Variants in MTSS1 observed in about 807,000 individuals in gnomAD.
MTSS1 encodes MTSS I-BAR domain containing 1.
MTSS1 carries 18 observed loss-of-function variants against 79.0 expected under a neutral mutation model. The ratio of observed to expected loss-of-function variants is 0.23; its 90% CI spans 0.16 to 0.34. The LOEUF (loss-of-function observed/expected upper bound fraction) is 0.34. Among genes scored for constraint, MTSS1 ranks in the 10% least tolerant of loss-of-function variants. The probability of loss-of-function intolerance (pLI) is 1.00; values close to 1 mark genes in which losing one functional copy is unlikely to be tolerated. For synonymous variants in MTSS1, 341 were observed against 368.6 expected (o/e 0.93, Z 0.86); for missense variants, 815 against 986.2 (o/e 0.83, Z 2.33).
chr8:124,727,820 C>A lies in MTSS1; in HGVS notation c.72+64G>T. On this transcript the variant is annotated intron_variant, in intron 1 of 13. Coordinates refer to ENST00000518547, the MANE Select transcript of MTSS1 (RefSeq NM_014751.6). This position sits in a 1 kb window ranked among gnomAD's most constrained non-coding sequence, Gnocchi z 4.7. ...CCGGGTGCCCGGCCCGGGGTGGAGG[C>A]GAAGCGCGGCGGCGAGGTCAGAGCG... 7.1e-7 allele frequency: 1 copy of A among 1,406,904 alleles called. No homozygotes were observed. Among genetic ancestry groups the A allele is most frequent in the Non-Finnish European group, 9.4e-7 (1 of 1,063,092 alleles). 87.2% of individuals were successfully genotyped at this position (1,406,904 alleles called of 1,614,324 possible).
Position 124,617,673 on chromosome 8 carries a change from C to A in MTSS1, c.209-26438G>T, listed in dbSNP as rs570888395. On this transcript the variant is annotated intron_variant, in intron 3 of 13. Coordinates refer to ENST00000518547, the MANE Select transcript of MTSS1 (RefSeq NM_014751.6). ...ACCACAAGCCCCTGGGCACCCTCTG[C>A]GAGCTCACCTACCTGATCATGCCAC... Among the ~76,000 whole-genome samples the A allele has an allele frequency of 1.4e-4, 21 of 152,298 alleles. No homozygotes were observed. In the South Asian group the frequency reaches 3.1e-3, roughly 23 times the overall value.
intron 3 of MTSS1, among the ~76,000 whole-genome samples, chr8:124,688,099 G>A (rs1827280453): frequency 6.6e-6 from 1 of 152,154 alleles, no homozygotes; most frequent in Admixed American, 6.5e-5. Context: ...TCTTTTACTA[G>A]AAATAAGAGT....
In MTSS1 at chr8:124,557,894, AGGG is replaced by A. The variant is rs541454594; in HGVS notation, c.1036-22_1036-20del. On this transcript the variant is annotated intron_variant, in intron 10 of 13. Transcript: ENST00000518547. ...TAGACAACTGGAAACAAACAAAAAA[AGGG>A]GGGGGGAAGGAAAAAAAATTAATAT... The A allele has an allele frequency of 6.7e-7, 1 of 1,490,840 alleles. No individual in the cohort carries two copies. The highest frequency in any genetic ancestry group is 9.1e-7 in the Non-Finnish European group (1 of 1,095,904). 92.4% of individuals were successfully genotyped at this position (1,490,840 alleles called of 1,614,324 possible). A position where few individuals can be genotyped will look rare whatever the true frequency, so the allele number is the denominator to read the frequency against.
At chr8:124,699,676 C>T in intron 2 of MTSS1, 77 bp from the exon 3 acceptor site, 1 of 1,329,648 alleles carries the variant, frequency 7.5e-7, no homozygotes, top group Non-Finnish European at 1.1e-6. Context: ...GGCCTAAAAC[C>T]TCTGCTAAGG....
chr8:124,688,005 G>A (rs1321497209), intron 3 of MTSS1, among the ~76,000 whole-genome samples: 2 of 152,164 alleles, frequency 1.3e-5, no homozygotes, highest in East Asian at 1.9e-4. Flanking sequence ...CCACCCGGGC[G>A]GCTGGATATT....
At chr8:124,671,735 G>C (rs1388430576) in intron 3 of MTSS1, among the ~76,000 whole-genome samples, 1 of 152,150 alleles carries the variant, frequency 6.6e-6, no homozygotes. Context: ...AACAACACCA[G>C]ACGCCTCTTA....
chr8:124,690,224 G>A (rs1827722796), intron 3 of MTSS1, among the ~76,000 whole-genome samples: 1 of 152,150 alleles, frequency 6.6e-6, no homozygotes, highest in Non-Finnish European at 1.5e-5. Context: ...GGTTAGACAG[G>A]GAACAGCACA....
At chr8:124,692,807 T>G (rs1828175301) in intron 3 of MTSS1, among the ~76,000 whole-genome samples, 1 of 152,004 alleles carries the variant, frequency 6.6e-6, no homozygotes, top group Non-Finnish European at 1.5e-5. Context: ...GAGGGCTGCA[T>G]AAAAGTGGAA....
intron 1 of MTSS1, among the ~76,000 whole-genome samples, chr8:124,711,495 A>AGCCAGCC (rs1284569528): frequency 1.4e-4 from 21 of 152,288 alleles, no homozygotes; most frequent in African/African-American, 4.8e-4. Flanking sequence ...ACATGAACAG[A>AGCCAGCC]GCCAGCCTCC....
chr8:124,726,838 T>C (rs1833767962), intron 1 of MTSS1, among the ~76,000 whole-genome samples: 2 of 152,172 alleles, frequency 1.3e-5, no homozygotes, highest in South Asian at 2.1e-4. Flanking sequence ...TCTGGATCTG[T>C]TGAGGCAAAC....
intron 3 of MTSS1, among the ~76,000 whole-genome samples, chr8:124,599,302 G>A (rs1423946601): frequency 6.6e-6 from 1 of 152,110 alleles, no homozygotes; most frequent in Non-Finnish European, 1.5e-5. Context: ...TGGCCAACAT[G>A]GTGAAACCCT....
intron 3 of MTSS1, among the ~76,000 whole-genome samples, chr8:124,604,698 G>A (rs1211440118): frequency 1.3e-5 from 2 of 152,090 alleles, no homozygotes; most frequent in African/African-American, 4.8e-5. Context: ...TGCACATTCA[G>A]CAAATGCTAG....
intron 6 of MTSS1, among the ~76,000 whole-genome samples, chr8:124,578,323 G>A (rs1246832678): frequency 6.6e-6 from 1 of 152,110 alleles, no homozygotes; most frequent in Non-Finnish European, 1.5e-5. Context: ...TGTTGCTGAT[G>A]CTCCTTTCTA....
At chr8:124,599,348 T>C (rs1271104446) in intron 3 of MTSS1, among the ~76,000 whole-genome samples, 1 of 150,836 alleles carries the variant, frequency 6.6e-6, no homozygotes, top group African/African-American at 2.5e-5. Context: ...GCCAGCACGG[T>C]GGTGGGTGCC....
intron 1 of MTSS1, among the ~76,000 whole-genome samples, chr8:124,721,317 G>A (rs1050362438): frequency 1.3e-5 from 2 of 150,882 alleles, no homozygotes; most frequent in Non-Finnish European, 2.9e-5. Context: ...AAATCACAAC[G>A]GACAGAATCA....
intron 3 of MTSS1, among the ~76,000 whole-genome samples, chr8:124,622,091 AGAG>A (rs1587362665): frequency 2.0e-5 from 3 of 151,380 alleles, no homozygotes; most frequent in South Asian, 2.1e-4. Flanking sequence ...AGAGAGAGAG[AGAG>A]AGAATATGAA....
At chr8:124,695,502 C>T (rs916626258) in intron 3 of MTSS1, among the ~76,000 whole-genome samples, 3 of 152,204 alleles carry the variant, frequency 2.0e-5, no homozygotes, top group Non-Finnish European at 4.4e-5. Flanking sequence ...GCACTTTTTA[C>T]AGATTATCAT....
intron 3 of MTSS1, among the ~76,000 whole-genome samples, chr8:124,690,287 A>C (rs1242749945): frequency 6.6e-6 from 1 of 152,190 alleles, no homozygotes; most frequent in African/African-American, 2.4e-5. Context: ...CTAAAGCCTA[A>C]TGGGGAAACC....
intron 3 of MTSS1, among the ~76,000 whole-genome samples, chr8:124,664,045 GGT>G (rs1416760742): frequency 6.6e-6 from 1 of 152,186 alleles, no homozygotes; most frequent in Non-Finnish European, 1.5e-5. Context: ...TGCCCAGGTC[GGT>G]GAGAAGACAC....
Sources: allele counts gnomAD v4.1 joint callset (sites outside exome capture counted in the v4.1 genomes callset), GRCh38; gene constraint gnomAD v4.1.1; non-coding constraint Gnocchi (gnomAD v3.1); transcripts MANE v1.5; gene names NCBI Gene and HGNC (gene_info 2026-07-23, HGNC 2026-07-21).